The following INPP4B variants were observed in gnomAD, a reference collection of about 807,000 sequenced individuals.
INPP4B encodes the protein inositol polyphosphate-4-phosphatase type II B, also known as inositol polyphosphate 4-phosphatase type II.
INPP4B carries 55 observed loss-of-function variants against 122.5 expected under a neutral mutation model. That is an observed-to-expected ratio of 0.45 (90% confidence interval 0.36 to 0.56). The LOEUF (loss-of-function observed/expected upper bound fraction) is 0.56. Among genes scored for constraint, INPP4B ranks in the 20% least tolerant of loss-of-function variants. The pLI is 0.00. For synonymous variants in INPP4B, 403 were observed against 388.7 expected (o/e 1.04, Z -0.43); for missense variants, 1,000 against 1,097.7 (o/e 0.91, Z 1.26).
intron 2 of INPP4B, among the ~76,000 whole-genome samples, chr4:142,463,064 T>G (rs1376861673): frequency 6.6e-6 from 1 of 152,200 alleles, no homozygotes; most frequent in Non-Finnish European, 1.5e-5. Context: ...AAGGGTTAAC[T>G]CAGCAGGCCT....
intron 25 of INPP4B, among the ~76,000 whole-genome samples, chr4:142,042,632 A>T (rs1174909700): frequency 3.9e-5 from 6 of 151,946 alleles, no homozygotes; most frequent in Admixed American, 6.6e-5. Flanking sequence ...ATGCGATCTC[A>T]GCTCACTGCA....
At chr4:142,634,062 G>T (rs1488905183) in intron 2 of INPP4B, among the ~76,000 whole-genome samples, 1 of 151,676 alleles carries the variant, frequency 6.6e-6, no homozygotes, top group African/African-American at 2.4e-5. Flanking sequence ...AAAGGCAGGG[G>T]GCTGGAGGGA....
chr4:142,845,728 C>CCGGCGGCGGCGGCGG (rs78589959), intron 1 of INPP4B, among the ~76,000 whole-genome samples: 12 of 151,330 alleles, frequency 7.9e-5, no homozygotes, highest in Non-Finnish European at 1.2e-4. Context: ...TCTTCCCAGG[C>CCGGCGGCGGCGGCGG]CGGCGGCGGC....
At chr4:142,213,471 T>C (rs1358958470) in intron 12 of INPP4B, among the ~76,000 whole-genome samples, 2 of 152,184 alleles carry the variant, frequency 1.3e-5, no homozygotes, top group East Asian at 1.9e-4. Context: ...ATTCTCTTCA[T>C]GGGTCTATTG....
intron 5 of INPP4B, among the ~76,000 whole-genome samples, chr4:142,422,304 G>A (rs1807068509): frequency 6.6e-6 from 1 of 152,034 alleles, no homozygotes; most frequent in Non-Finnish European, 1.5e-5. Context: ...ATAAATGTTA[G>A]TTACTTTTAA....
At position 142,551,595 on chromosome 4, in the gene INPP4B, G is replaced by A. The variant is rs77670141; in HGVS notation, c.-190-88869C>T. Among the ~76,000 whole-genome samples, 1,086 of 152,226 alleles carry A rather than the reference G, an allele frequency of 7.1e-3. 9 individuals are homozygous for A. Among genetic ancestry groups the A allele is most frequent in the African/African-American group, 0.025 (1,025 of 41,538 alleles). On this transcript the variant is annotated intron_variant, in intron 2 of 25. Transcript: ENST00000262992. ...TATTATAATTTGTGATATACACAAA[G>A]GTCTCGTGTGAGTGTTTCTGTTTAT...
chr4:142,124,980 T>G (rs1401342810), intron 18 of INPP4B, among the ~76,000 whole-genome samples: 2 of 152,134 alleles, frequency 1.3e-5, no homozygotes, highest in Non-Finnish European at 2.9e-5. Context: ...TGGATGCATT[T>G]AACATATTTG....
At chr4:142,529,245 T>C (rs1413910388) in intron 2 of INPP4B, among the ~76,000 whole-genome samples, 2 of 152,120 alleles carry the variant, frequency 1.3e-5, no homozygotes, top group African/African-American at 4.8e-5. Flanking sequence ...TACATTGCTA[T>C]TAACCTTTGG....
intron 11 of INPP4B, among the ~76,000 whole-genome samples, chr4:142,247,645 T>C (rs1211456332): frequency 6.6e-6 from 1 of 152,148 alleles, no homozygotes; most frequent in Admixed American, 6.5e-5. Flanking sequence ...ATCTCCCCTT[T>C]ATCATTTTTA....
intron 2 of INPP4B, among the ~76,000 whole-genome samples, chr4:142,522,418 G>T (rs1826213416): frequency 7.0e-6 from 1 of 143,680 alleles, no homozygotes; most frequent in Non-Finnish European, 1.5e-5. Context: ...CATGATCACA[G>T]AGCACTGCAG....
intron 3 of INPP4B, among the ~76,000 whole-genome samples, chr4:142,434,081 ATCATC>A (rs1208565286): frequency 1.3e-5 from 2 of 152,196 alleles, no homozygotes; most frequent in African/African-American, 4.8e-5. Context: ...TTACCTCACA[ATCATC>A]TATAGAGACC....
intron 1 of INPP4B, among the ~76,000 whole-genome samples, chr4:142,823,925 T>C (rs1018363030): frequency 6.6e-6 from 1 of 152,120 alleles, no homozygotes; most frequent in Non-Finnish European, 1.5e-5. Flanking sequence ...TAGCACTGAA[T>C]TACTACACTG....
chr4:142,408,127 C>T (rs1246364449), intron 5 of INPP4B, among the ~76,000 whole-genome samples: 1 of 152,026 alleles, frequency 6.6e-6, no homozygotes, highest in Non-Finnish European at 1.5e-5. Context: ...GAATCAGTCC[C>T]ACCAGACGGC....
At chr4:142,549,668 T>C (rs1335971859) in intron 2 of INPP4B, among the ~76,000 whole-genome samples, 1 of 152,154 alleles carries the variant, frequency 6.6e-6, no homozygotes, top group East Asian at 1.9e-4. Flanking sequence ...AACTATCCTA[T>C]TTTAATTCTG....
chr4:142,707,026 A>G (rs924152196), intron 2 of INPP4B, among the ~76,000 whole-genome samples: 21 of 152,230 alleles, frequency 1.4e-4, no homozygotes, highest in Admixed American at 2.6e-4. Flanking sequence ...AATGAGAAAG[A>G]AGACAGAATT....
At chr4:142,829,383 T>C (rs769425675) in intron 1 of INPP4B, among the ~76,000 whole-genome samples, 11 of 152,218 alleles carry the variant, frequency 7.2e-5, no homozygotes, top group Non-Finnish European at 1.5e-4. Context: ...GTTTATGCCC[T>C]TGGCTTTTGC....
chr4:142,430,277 G>C (rs1311643667), intron 4 of INPP4B, among the ~76,000 whole-genome samples: 1 of 152,034 alleles, frequency 6.6e-6, no homozygotes, highest in Non-Finnish European at 1.5e-5. Flanking sequence ...TTTTTCAAGA[G>C]AGGTTAAAGT....
At position 142,023,596 on chromosome 4, in the gene INPP4B, A is replaced by G. The variant is rs1736131073; in HGVS notation, c.*5186T>C. Reference sequence around the variant, plus strand: ...AGAATTATCTAGATAATATAGCAATATTGCCAAAATTTGAGTCAATGTTAC... The same window carrying G: ...AGAATTATCTAGATAATATAGCAATGTTGCCAAAATTTGAGTCAATGTTAC... On this transcript the variant is annotated 3_prime_UTR_variant, in exon 26 of 26. Transcript: ENST00000262992. 1 of 152,170 alleles carries G rather than the reference A, an allele frequency of 6.6e-6. No homozygotes were observed. The allele number at this position is 152,170 out of a possible 1,614,324, so 9.4% of individuals were successfully genotyped here.
At chr4:142,032,333 G>C (rs532477318) in intron 25 of INPP4B, among the ~76,000 whole-genome samples, 1 of 152,078 alleles carries the variant, frequency 6.6e-6, no homozygotes, top group Non-Finnish European at 1.5e-5. Flanking sequence ...GACCAAACTG[G>C]AGGAGAGACT....
Sources: allele counts gnomAD v4.1 joint callset (sites outside exome capture counted in the v4.1 genomes callset), GRCh38; gene constraint gnomAD v4.1.1; transcripts MANE v1.5; gene names NCBI Gene and HGNC (gene_info 2026-07-23, HGNC 2026-07-21).